The following WDFY3 variants were observed in gnomAD, a reference collection of about 807,000 sequenced individuals.
The protein encoded by WDFY3 is WD repeat and FYVE domain containing 3.
In WDFY3, 66 loss-of-function variants were observed where a neutral mutation model predicts 409.6. That is an observed-to-expected ratio of 0.16 (90% confidence interval 0.13 to 0.20). WDFY3 has a LOEUF of 0.20. Ranked by LOEUF, WDFY3 falls within the 10% of genes least tolerant of loss-of-function variation. The pLI is 1.00. For missense variants in WDFY3, 3,031 were observed against 4,298.1 expected, an observed-to-expected ratio of 0.71 and a Z score of 8.24; for synonymous variants, 1,521 against 1,537.1, an observed-to-expected ratio of 0.99 and a Z score of 0.25.
chr4:84,864,291 T>A (rs922341679), intron 3 of WDFY3, among the ~76,000 whole-genome samples: 1 of 142,258 alleles, frequency 7.0e-6, no homozygotes, highest in Non-Finnish European at 1.5e-5. Flanking sequence ...CACCTGAGCC[T>A]GCGAAGCGGA....
rs780457288 is a variant in WDFY3, at chr4:84,817,539, T to C, written c.1740A>G (p.Val580=). The change falls in exon 13 of 68, where the codon GTA becomes GTG. Residue 580 remains valine (V), a synonymous_variant. Coordinates refer to ENST00000295888, the MANE Select transcript of WDFY3 (RefSeq NM_014991.6). ...CATGCTGCCGGCATTGAGGGTACTT[T>C]ACTATATTATGTGCACATCTTGCAC... is the stretch of plus-strand genomic sequence containing the variant. ...FGGARCAHNI[V]KYPQCRQHAL... 4 of 1,613,766 alleles carry C rather than the reference T, an allele frequency of 2.5e-6. No homozygotes were observed. Among genetic ancestry groups the C allele is most frequent in the Non-Finnish European group, 3.4e-6 (4 of 1,179,762 alleles).
chr4:84,955,622 GAT>G (rs2151157944), intron 1 of WDFY3, among the ~76,000 whole-genome samples: 2 of 152,042 alleles, frequency 1.3e-5, no homozygotes, highest in African/African-American at 4.8e-5. Flanking sequence ...GGGAAAGAAA[GAT>G]AGGTGAAGAG....
chr4:84,833,691 G>GAAA lies in WDFY3; in HGVS notation c.577-2087_577-2086insTTT, dbSNP rs1170706766. Among the ~76,000 whole-genome samples the GAAA allele has an allele frequency of 4.6e-3, 690 of 150,352 alleles. 3 individuals are homozygous for GAAA. The highest frequency in any genetic ancestry group is 0.013 in the African/African-American group (537 of 41,116). On this transcript the variant is annotated intron_variant, in intron 7 of 67. Coordinates refer to ENST00000295888, the MANE Select transcript of WDFY3 (RefSeq NM_014991.6). The stretch of plus-strand genomic sequence containing the variant: ...GAAAAGAAAAGAAAAGAAAAGAAAA[G>GAAA]AGAAGAGAAGAGAAGAGAACAGAAC...
chr4:84,936,870 C>T (rs1382888709), intron 1 of WDFY3, among the ~76,000 whole-genome samples: 11 of 152,088 alleles, frequency 7.2e-5, no homozygotes, highest in Admixed American at 3.3e-4. Context: ...TCTAACCCCT[C>T]TACTTTGCTA....
In WDFY3 at chr4:84,771,135, C is replaced by CT. The variant is rs557952717; in HGVS notation, c.4849+1699dup. ...GAAACCAGATAAATATTTTTCCCACCTTTTTTTGTTTGTTTTTAGAGACAG... is the reference window on the plus strand; with the variant it reads ...GAAACCAGATAAATATTTTTCCCACCTTTTTTTTGTTTGTTTTTAGAGACAG... On this transcript the variant is annotated intron_variant, in intron 30 of 67. Coordinates refer to ENST00000295888, the MANE Select transcript of WDFY3 (RefSeq NM_014991.6). Among the ~76,000 whole-genome samples, 792 of 152,046 alleles carry CT rather than the reference C, an allele frequency of 5.2e-3. 8 individuals carry two copies. Among genetic ancestry groups the CT allele is most frequent in the Non-Finnish European group, 8.0e-3 (544 of 67,942 alleles).
In WDFY3 at chr4:84,837,084, C is replaced by A. The variant is rs777660963; in HGVS notation, c.421G>T (p.Val141Leu). ...ACTGACATTGTTGTCATGCAGTCCA[C>A]GGTTTTCTGGAAAACAAGCCAATAA... Reference protein sequence around the residue: ...NLLASSGQKTVDCMTTMSVPS... With the variant: ...NLLASSGQKTLDCMTTMSVPS... The change falls in exon 7 of 68, where the codon GTG (valine) becomes TTG (leucine). Residue 141 changes from valine to leucine, a missense_variant. By Grantham distance (32) the Val-to-Leu change is conservative. Coordinates refer to ENST00000295888, the MANE Select transcript of WDFY3 (RefSeq NM_014991.6). 2.0e-6 allele frequency: 3 copies of A among 1,508,922 alleles called. No homozygotes were observed. Among genetic ancestry groups the A allele is most frequent in the Non-Finnish European group, 1.8e-6 (2 of 1,123,486 alleles). The allele number at this position is 1,508,922 out of a possible 1,614,324, so 93.5% of individuals were successfully genotyped here.
chr4:84,943,453 G>A (rs1030015117), intron 1 of WDFY3, among the ~76,000 whole-genome samples: 53 of 151,032 alleles, frequency 3.5e-4, no homozygotes, highest in African/African-American at 1.2e-3. Context: ...GCAGTGAGCC[G>A]AGATCACACC....
chr4:84,778,739 A>C, intron 26 of WDFY3, 84 bp from the exon 27 acceptor site: 4 of 1,373,726 alleles, frequency 2.9e-6, no homozygotes, highest in Non-Finnish European at 4.0e-6. Flanking sequence ...ATACACACAC[A>C]AACACACACA....
intron 1 of WDFY3, among the ~76,000 whole-genome samples, chr4:84,947,697 A>AC (rs1773065788): frequency 1.0e-5 from 1 of 99,062 alleles, no homozygotes; most frequent in Non-Finnish European, 2.1e-5. Context: ...ATATCAAAAA[A>AC]CCCCACATCT....
intron 43 of WDFY3, among the ~76,000 whole-genome samples, chr4:84,734,133 GA>G (rs1351102193): frequency 3.3e-5 from 5 of 152,262 alleles, no homozygotes; most frequent in Admixed American, 2.6e-4. Context: ...GAGGAAACTT[GA>G]TGTTCATACA....
In WDFY3 at chr4:84,740,378, C is replaced by T; in HGVS notation, c.6273G>A (p.Val2091=). ...AGATGGTCCTATTGAGGCAATGATA[C>T]ACTGCATCCAGTGACAATCCCTGTG... The part of the protein sequence containing the change: ...RRSQGLSLDA[V]YHCLNRTILY... The change falls in exon 39 of 68, where the codon GTG becomes GTA. Residue 2091 remains valine, a synonymous_variant. Coordinates refer to ENST00000295888, the MANE Select transcript of WDFY3 (RefSeq NM_014991.6). 1 of 1,614,102 alleles carries T rather than the reference C, an allele frequency of 6.2e-7. No individual in the cohort carries two copies. Among genetic ancestry groups the T allele is most frequent in the South Asian group, 1.1e-5 (1 of 91,086 alleles).
chr4:84,783,282 C>A (rs1297921439), intron 24 of WDFY3, among the ~76,000 whole-genome samples: 4 of 152,092 alleles, frequency 2.6e-5, no homozygotes, highest in Non-Finnish European at 5.9e-5. Context: ...TCGCTTGAGC[C>A]CGGAGTTTGA....
intron 2 of WDFY3, among the ~76,000 whole-genome samples, chr4:84,911,257 T>TG (rs36057963): frequency 1.3e-5 from 2 of 151,616 alleles, no homozygotes; most frequent in Non-Finnish European, 2.9e-5. Context: ...GCAAAGGAGG[T>TG]GGGAGGATCA....
At chr4:84,846,036 A>G (rs1758037620) in intron 5 of WDFY3, among the ~76,000 whole-genome samples, 1 of 152,206 alleles carries the variant, frequency 6.6e-6, no homozygotes, top group Non-Finnish European at 1.5e-5. Flanking sequence ...TAACAAAGCT[A>G]TGAAGGTTAA....
At chr4:84,703,131 T>C (rs1731345323) in intron 55 of WDFY3, among the ~76,000 whole-genome samples, 1 of 150,982 alleles carries the variant, frequency 6.6e-6, no homozygotes, top group Non-Finnish European at 1.5e-5. Flanking sequence ...GAAATATGAG[T>C]TCTTCCATAG....
At chr4:84,715,115 T>C (rs1433220602) in intron 50 of WDFY3, among the ~76,000 whole-genome samples, 183 bp downstream of exon 50, 3 of 152,206 alleles carry the variant, frequency 2.0e-5, no homozygotes, top group Non-Finnish European at 2.9e-5. Flanking sequence ...CACAATAGAA[T>C]TGCACCATTT....
At chr4:84,704,617 A>G (rs1473887577) in intron 54 of WDFY3, among the ~76,000 whole-genome samples, 173 bp from the exon 55 acceptor site, 2 of 152,208 alleles carry the variant, frequency 1.3e-5, no homozygotes, top group African/African-American at 4.8e-5. Context: ...CCTCTCTTCT[A>G]TATTTGACAG....
intron 32 of WDFY3, among the ~76,000 whole-genome samples, chr4:84,760,535 G>A (rs1373011269): frequency 6.6e-6 from 1 of 152,188 alleles, no homozygotes; most frequent in African/African-American, 2.4e-5. Flanking sequence ...AGTCTTGGGA[G>A]AGTGTATGTG....
chr4:84,847,333 T>C (rs565218944), intron 5 of WDFY3, among the ~76,000 whole-genome samples: 2 of 152,182 alleles, frequency 1.3e-5, no homozygotes, highest in East Asian at 1.9e-4. Flanking sequence ...TCCATTCTTA[T>C]GTAAGAGCAG....
Sources: gnomAD v4.1 joint callset for allele counts (sites outside exome capture counted in the v4.1 genomes callset) on GRCh38, gnomAD v4.1.1 for gene constraint, MANE v1.5 for transcripts, NCBI Gene and HGNC (gene_info 2026-07-23, HGNC 2026-07-21) for gene names.